The following PARD3B variants were observed in gnomAD, a reference collection of about 807,000 sequenced individuals.
PARD3B encodes partitioning defective 3 homolog B.
A neutral mutation model predicts 130.2 loss-of-function variants in PARD3B; 103 were observed. The observed-to-expected ratio is 0.79, with a 90% CI of 0.67 to 0.93. PARD3B has a LOEUF of 0.93. PARD3B is among the 40% of genes least tolerant of loss of function. PARD3B has a pLI of 0.00. For missense variants in PARD3B, 1,609 were observed against 1,499.2 expected (o/e 1.07, Z -1.21); for synonymous variants, 583 against 553.2 (o/e 1.05, Z -0.76).
At chr2:204,641,372 A>C (rs552132194) in intron 1 of PARD3B, among the ~76,000 whole-genome samples, 2 of 152,018 alleles carry the variant, frequency 1.3e-5, no homozygotes, top group South Asian at 4.1e-4. Context: ...AAGTGTCTAG[A>C]TGGGGCTAAG....
At chr2:205,178,593 G>A (rs2035618369) in intron 13 of PARD3B, among the ~76,000 whole-genome samples, 1 of 152,190 alleles carries the variant, frequency 6.6e-6, no homozygotes, top group Admixed American at 6.5e-5. Flanking sequence ...TTATGATCAC[G>A]AATGTGGACA....
At chr2:204,594,263 A>G (rs2033194716) in intron 1 of PARD3B, among the ~76,000 whole-genome samples, 2 of 152,310 alleles carry the variant, frequency 1.3e-5, no homozygotes, top group East Asian at 3.9e-4. Flanking sequence ...CATTTCAGTA[A>G]ATATAACATC....
intron 13 of PARD3B, among the ~76,000 whole-genome samples, chr2:205,185,326 G>A (rs1185486899): frequency 1.3e-5 from 2 of 152,150 alleles, no homozygotes; most frequent in Non-Finnish European, 1.5e-5. Context: ...ATACTATATC[G>A]TGATTTTTTA....
At chr2:205,529,004 G>A (rs1213939911) in intron 21 of PARD3B, among the ~76,000 whole-genome samples, 1 of 152,030 alleles carries the variant, frequency 6.6e-6, no homozygotes, top group African/African-American at 2.4e-5. Context: ...ATATGGCTAT[G>A]GTGGCATGAC....
chr2:204,661,376 A>T (rs2035802076), intron 1 of PARD3B, among the ~76,000 whole-genome samples: 1 of 152,124 alleles, frequency 6.6e-6, no homozygotes, highest in South Asian at 2.1e-4. Context: ...TGTCAAGAAG[A>T]TGCTGCTGTT....
chr2:205,358,045 C>T (rs2336420), intron 18 of PARD3B, among the ~76,000 whole-genome samples: 90,770 of 151,994 alleles, frequency 0.6, 30,648 homozygotes, highest in South Asian at 0.77. Context: ...ATGAGAAGGA[C>T]GTAAATTTCA....
At chr2:205,161,345 C>T (rs1410464272) in intron 11 of PARD3B, among the ~76,000 whole-genome samples, 1 of 152,090 alleles carries the variant, frequency 6.6e-6, no homozygotes, top group Non-Finnish European at 1.5e-5. Flanking sequence ...CAGACAATCA[C>T]ACCATTAAAA....
At chr2:204,873,461 A>G (rs1421698041) in intron 2 of PARD3B, among the ~76,000 whole-genome samples, 1 of 152,194 alleles carries the variant, frequency 6.6e-6, no homozygotes, top group Non-Finnish European at 1.5e-5. Context: ...TTTGTCCCCC[A>G]GACACTTCAT....
intron 2 of PARD3B, among the ~76,000 whole-genome samples, chr2:204,914,623 G>A (rs1463852959): frequency 1.3e-5 from 2 of 152,158 alleles, no homozygotes; most frequent in African/African-American, 2.4e-5. Flanking sequence ...GGAATTGTTC[G>A]AAAACCAGTA....
At chr2:205,533,775 G>C (rs2051710024) in intron 21 of PARD3B, among the ~76,000 whole-genome samples, 1 of 152,040 alleles carries the variant, frequency 6.6e-6, no homozygotes, top group Admixed American at 6.6e-5. Context: ...TGTCACCCAG[G>C]CTAGAGTGCA....
At position 205,562,296 on chromosome 2, in the gene PARD3B, A is replaced by G. The variant is rs1486799982; in HGVS notation, c.3260+8893A>G. On this transcript the variant is annotated intron_variant, in intron 22 of 22. Coordinates refer to ENST00000406610, the MANE Select transcript of PARD3B (RefSeq NM_001302769.2). This position sits in a 1 kb window ranked among gnomAD's most constrained non-coding sequence, Gnocchi z 5.4. ...AGTCAAAGGCCTCCATTATGAGTTTAGTTAGAATATTAGTGATTTAAAACA... is the reference window on the plus strand; with the variant it reads ...AGTCAAAGGCCTCCATTATGAGTTTGGTTAGAATATTAGTGATTTAAAACA... 6.6e-6 allele frequency among the ~76,000 whole-genome samples: 1 copy of G among 152,246 alleles called. No individual in the cohort carries two copies. The highest frequency in any genetic ancestry group is 1.9e-4 in the East Asian group (1 of 5,204).
chr2:204,614,370 A>G (rs1250250794), intron 1 of PARD3B, among the ~76,000 whole-genome samples: 1 of 152,160 alleles, frequency 6.6e-6, no homozygotes, highest in Non-Finnish European at 1.5e-5. Flanking sequence ...GTATATCTCA[A>G]TTCAGACTAA....
At chr2:204,902,434 C>G (rs1005698323) in intron 2 of PARD3B, among the ~76,000 whole-genome samples, 1 of 151,998 alleles carries the variant, frequency 6.6e-6, no homozygotes, top group South Asian at 2.1e-4. Flanking sequence ...CTTTGGGAGG[C>G]CGAAGCGGGC....
rs1214073838 is a variant in PARD3B at position 205,352,668 on chromosome 2, C to T, written c.2631-48345C>T. On this transcript the variant is annotated intron_variant, in intron 18 of 22. Coordinates refer to ENST00000406610, the MANE Select transcript of PARD3B (RefSeq NM_001302769.2). This position sits in a 1 kb window ranked among gnomAD's most constrained non-coding sequence, Gnocchi z 5.2. ...TTTGATGTGAGGTGTTGGAGATAAA[C>T]AGGTAGTATCAGGCGTCCATAGCCT... Among the ~76,000 whole-genome samples, 1 of 152,108 alleles carries T rather than the reference C, an allele frequency of 6.6e-6. No individual in the cohort carries two copies. Among genetic ancestry groups the T allele is most frequent in the African/African-American group, 2.4e-5 (1 of 41,420 alleles).
chr2:204,649,343 A>G (rs1337292074), intron 1 of PARD3B, among the ~76,000 whole-genome samples: 1 of 151,814 alleles, frequency 6.6e-6, no homozygotes, highest in Admixed American at 6.6e-5. Flanking sequence ...CTTTTGTCAC[A>G]CTGTTTTCCA....
At chr2:205,557,526 G>A (rs72935845) in intron 22 of PARD3B, among the ~76,000 whole-genome samples, 23 of 152,294 alleles carry the variant, frequency 1.5e-4, no homozygotes, top group Non-Finnish European at 2.2e-4. Context: ...GCCTGAGCTC[G>A]GAGTCAGGCC....
intron 1 of PARD3B, among the ~76,000 whole-genome samples, chr2:204,583,046 C>A (rs1047428440): frequency 6.6e-6 from 1 of 150,564 alleles, no homozygotes; most frequent in Non-Finnish European, 1.5e-5. Context: ...ACTAGTTCAA[C>A]CATTGTGGAA....
chr2:205,472,803 G>A (rs2048883536), intron 20 of PARD3B, among the ~76,000 whole-genome samples: 1 of 152,046 alleles, frequency 6.6e-6, no homozygotes, highest in Non-Finnish European at 1.5e-5. Context: ...ATCCATTCCA[G>A]TCCTAGGATT....
At chr2:204,922,313 C>T (rs1283927947) in intron 2 of PARD3B, among the ~76,000 whole-genome samples, 1 of 151,830 alleles carries the variant, frequency 6.6e-6, no homozygotes, top group Non-Finnish European at 1.5e-5. Flanking sequence ...AAAGTTGTAC[C>T]AAAGTGAACT....
Sources: gnomAD v4.1 joint callset for allele counts (sites outside exome capture counted in the v4.1 genomes callset) on GRCh38, gnomAD v4.1.1 for gene constraint, Gnocchi (gnomAD v3.1) non-coding constraint, MANE v1.5 for transcripts, NCBI Gene and HGNC (gene_info 2026-07-23, HGNC 2026-07-21) for gene names.